Variants in IDO2 observed in about 807,000 individuals in gnomAD.
The protein encoded by IDO2 is indoleamine 2,3-dioxygenase-like 1 protein.
In IDO2, 46 loss-of-function variants were observed where a neutral mutation model predicts 45.1. The observed-to-expected ratio is 1.02, with a 90% confidence interval of 0.80 to 1.30. IDO2 has a LOEUF of 1.30. Among genes scored for constraint, IDO2 ranks in the 50% most tolerant of loss-of-function variants. IDO2 has a pLI of 0.00. For synonymous variants in IDO2, 218 were observed against 184.9 expected (o/e 1.18, Z -1.45); for missense variants, 544 against 491.8 (o/e 1.11, Z -1.00).
intron 3 of IDO2, among the ~76,000 whole-genome samples, chr8:39,976,308 T>A (rs994897476): frequency 2.0e-5 from 3 of 152,118 alleles, no homozygotes; most frequent in Non-Finnish European, 4.4e-5. Flanking sequence ...CATACATATA[T>A]GAATTTTGAA....
rs1277541587 is a variant in IDO2, at chr8:40,015,190, G to A, written c.869-57G>A. On this transcript the variant is annotated intron_variant, in intron 10 of 10. Coordinates refer to ENST00000502986, the Ensembl canonical transcript of IDO2. ...AAATAAAAAAGAAGAAGAAGCAGAC[G>A]AGCTCTGCTATATTTCCATGTGGAG... is the stretch of plus-strand genomic sequence containing the variant. The A allele has an allele frequency of 1.2e-5, 12 of 994,576 alleles. No homozygotes were observed. In the South Asian group the frequency reaches 1.2e-4, roughly 10 times the overall value. The allele number at this position is 994,576 out of a possible 1,614,324, so 61.6% of individuals were successfully genotyped here.
At chr8:39,959,409 C>T (rs556164878) in intron 2 of IDO2, among the ~76,000 whole-genome samples, 2 of 46,724 alleles carry the variant, frequency 4.3e-5, no homozygotes, top group Non-Finnish European at 1.2e-4. Context: ...CCACTGTGCC[C>T]GGCTGTTAAT....
At chr8:39,990,761 T>C (rs1236403510) in intron 8 of IDO2, among the ~76,000 whole-genome samples, 1 of 152,348 alleles carries the variant, frequency 6.6e-6, no homozygotes, top group African/African-American at 2.4e-5. Context: ...AATATCAGTT[T>C]CCATTAGGGA....
intron 10 of IDO2, among the ~76,000 whole-genome samples, chr8:40,014,727 T>C (rs1453712261): frequency 6.6e-6 from 1 of 152,238 alleles, no homozygotes; most frequent in East Asian, 1.9e-4. Context: ...TCTTACTTTG[T>C]TTCCTCTTCT....
At chr8:40,004,626 G>A (rs1335813697) in intron 8 of IDO2, among the ~76,000 whole-genome samples, 2 of 152,056 alleles carry the variant, frequency 1.3e-5, no homozygotes, top group Non-Finnish European at 2.9e-5. Flanking sequence ...CAGTAAGATA[G>A]GCATATGCCA....
chr8:39,992,411 T>C (rs1801952183), intron 8 of IDO2, among the ~76,000 whole-genome samples: 1 of 152,144 alleles, frequency 6.6e-6, no homozygotes, highest in Non-Finnish European at 1.5e-5. Context: ...TAGGCTCCCA[T>C]CCCAACTTAT....
At chr8:39,986,672 A>AGATAGATAGAT (rs1403256381) in intron 6 of IDO2, among the ~76,000 whole-genome samples, 1 of 23,534 alleles carries the variant, frequency 4.2e-5, no homozygotes, top group African/African-American at 2.1e-4. Context: ...TACAGCATTG[A>AGATAGATAGAT]GATAGATAGA....
chr8:39,982,182 T>G (rs2129594488), intron 4 of IDO2, among the ~76,000 whole-genome samples: 1 of 152,088 alleles, frequency 6.6e-6, no homozygotes, highest in Non-Finnish European at 1.5e-5. Context: ...TCTAGCTAGC[T>G]ATCATCTCTC....
Position 39,952,969 on chromosome 8 carries a change from T to C in IDO2, c.99+3705T>C, listed in dbSNP as rs367932318. Among the ~76,000 whole-genome samples the C allele has an allele frequency of 2.2e-4, 32 of 148,634 alleles. 1 individual carries two copies. In the East Asian group the frequency reaches 6.4e-3, roughly 30 times the overall value. On this transcript the variant is annotated intron_variant, in intron 2 of 10. Coordinates refer to ENST00000502986, the Ensembl canonical transcript of IDO2. ...TTTTAGTACAGATGGGGTTTCTCCA[T>C]GTTGGTCAGGCTGGTCTCAAACTCC...
chr8:40,012,343 A>G (rs1317539895), intron 9 of IDO2, among the ~76,000 whole-genome samples: 1 of 152,222 alleles, frequency 6.6e-6, no homozygotes, highest in Non-Finnish European at 1.5e-5. Context: ...TCTTGTAAAA[A>G]TGAAGATAGA....
At chr8:39,972,434 C>T (rs1292974152) in intron 3 of IDO2, among the ~76,000 whole-genome samples, 1 of 151,470 alleles carries the variant, frequency 6.6e-6, no homozygotes, top group Non-Finnish European at 1.5e-5. Flanking sequence ...TGATGAAATA[C>T]CACTACCTCT....
intron 1 of IDO2, among the ~76,000 whole-genome samples, chr8:39,941,200 T>TG (rs1807636877): frequency 9.4e-6 from 1 of 106,366 alleles, no homozygotes. Context: ...TCAGCCTGGG[T>TG]GACAAAGCAA....
intron 2 of IDO2, among the ~76,000 whole-genome samples, chr8:39,962,178 C>T (rs1489045938): frequency 1.3e-5 from 2 of 152,146 alleles, no homozygotes; most frequent in East Asian, 3.8e-4. Flanking sequence ...AAACCACAGG[C>T]CTAGAGTGGG....
intron 9 of IDO2, among the ~76,000 whole-genome samples, chr8:40,008,260 G>T (rs998352772): frequency 2.0e-5 from 3 of 152,030 alleles, no homozygotes; most frequent in African/African-American, 7.2e-5. Context: ...TGGCCAGGCT[G>T]GTCTTGAACT....
chr8:39,949,088 T>TG (rs1247573547), intron 1 of IDO2, 61 bp from the exon 2 acceptor site: 1 of 1,546,468 alleles, frequency 6.5e-7, no homozygotes, highest in Non-Finnish European at 8.7e-7. Flanking sequence ...AACCGAAGGA[T>TG]GGAACCTGGG....
At chr8:39,968,073 A>G (rs1808118479) in intron 3 of IDO2, among the ~76,000 whole-genome samples, 2 of 115,342 alleles carry the variant, frequency 1.7e-5, no homozygotes, top group South Asian at 2.5e-4. Context: ...TTTATTCATA[A>G]TCACCAAAAA....
rs2729490 is a variant in IDO2 at position 39,959,716 on chromosome 8, T to G, written c.100-3892T>G. ...CATGCCCCTGTAATCCCAGCTACTC[T>G]GGAGGCTGAGGCAGGAGAATCTCTT... On this transcript the variant is annotated intron_variant, in intron 2 of 10. Coordinates refer to ENST00000502986, the Ensembl canonical transcript of IDO2. Among the ~76,000 whole-genome samples the G allele has an allele frequency of 3.0e-3, 449 of 152,100 alleles. 2 individuals carry two copies. The highest frequency in any genetic ancestry group is 0.014 in the Middle Eastern group (4 of 294).
rs756127333 is a variant in IDO2 at position 39,979,167 on chromosome 8, G to A, written c.296G>A (p.Gly99Glu). 3 of 1,593,826 alleles carry A rather than the reference G, an allele frequency of 1.9e-6. 1 individual carries two copies. The highest frequency in any genetic ancestry group is 1.6e-4 in the Middle Eastern group (1 of 6,064). Residue 99 changes from glycine (G) to glutamate (E), a missense_variant, in exon 4 of 11, where the codon GGA (glycine) becomes GAA (glutamate). Transcript: ENST00000502986. ...ACCATGGGTTATGTCTGGCAGGAAG[G>A]AGAGGCGCAGCCTGCAGAGGTGAGG...
chr8:39,950,249 G>A (rs151208384), intron 2 of IDO2, among the ~76,000 whole-genome samples: 1 of 152,270 alleles, frequency 6.6e-6, no homozygotes, highest in East Asian at 1.9e-4. Context: ...TGGGGTCCAG[G>A]CCAGGTGCAG....
Sources: allele counts gnomAD v4.1 joint callset (sites outside exome capture counted in the v4.1 genomes callset), GRCh38; gene constraint gnomAD v4.1.1; transcripts MANE v1.5; gene names NCBI Gene and HGNC (gene_info 2026-07-23, HGNC 2026-07-21).